Variants in AMOTL1 observed in about 807,000 individuals in gnomAD.
AMOTL1 encodes angiomotin like 1.
AMOTL1 carries 45 observed loss-of-function variants against 102.9 expected under a neutral mutation model. That is an observed-to-expected ratio of 0.44 (90% CI 0.34 to 0.56). AMOTL1 has a LOEUF of 0.56. AMOTL1 is among the 20% of genes least tolerant of loss of function. The probability of loss-of-function intolerance (pLI) is 0.01; values close to 1 mark genes in which losing one functional copy is unlikely to be tolerated. For missense variants in AMOTL1, 1,114 were observed against 1,225.6 expected, an observed-to-expected ratio of 0.91 and a Z score of 1.36; for synonymous variants, 481 against 484.7, an observed-to-expected ratio of 0.99 and a Z score of 0.10.
intron 2 of AMOTL1, among the ~76,000 whole-genome samples, chr11:94,730,082 C>G (rs1420947609): frequency 1.3e-5 from 2 of 152,138 alleles, no homozygotes; most frequent in Non-Finnish European, 2.9e-5. Context: ...GTCATTTGTT[C>G]CTGTGCACTG....
At chr11:94,727,056 C>A (rs1226638503) in intron 1 of AMOTL1, among the ~76,000 whole-genome samples, 1 of 152,118 alleles carries the variant, frequency 6.6e-6, no homozygotes, top group African/African-American at 2.4e-5. Flanking sequence ...TCCATATCAT[C>A]TTGCAAATCT....
Position 94,731,365 on chromosome 11 carries a change from CT to C in AMOTL1, c.85+2311del, listed in dbSNP as rs1404085644. On this transcript the variant is annotated intron_variant, in intron 2 of 4. Coordinates refer to the AMOTL1 transcript ENST00000299004. ...GCACAGACACAAGGAATCAGTGTGG[CT>C]GAAATCTGTAAATCCTTGTGGGCAG... Among the ~76,000 whole-genome samples, 3 of 152,202 alleles carry C rather than the reference CT, an allele frequency of 2.0e-5. No homozygotes were observed. In the East Asian group the frequency reaches 5.8e-4, roughly 29 times the overall value.
chr11:94,802,603 G>C (rs1239060360), intron 3 of AMOTL1, among the ~76,000 whole-genome samples: 1 of 152,134 alleles, frequency 6.6e-6, no homozygotes, highest in East Asian at 1.9e-4. Context: ...ATGTGTGAGG[G>C]ATTTGAGCTG....
At chr11:94,724,991 A>G (rs1950232820) in intron 1 of AMOTL1, among the ~76,000 whole-genome samples, 1 of 152,180 alleles carries the variant, frequency 6.6e-6, no homozygotes, top group South Asian at 2.1e-4. Context: ...CAATTAAGGC[A>G]TAGTCAATGT....
chr11:94,778,946 A>G (rs921370062), intron 1 of AMOTL1, among the ~76,000 whole-genome samples: 1 of 152,160 alleles, frequency 6.6e-6, no homozygotes, highest in Admixed American at 6.5e-5. Context: ...ATTCCCAGAA[A>G]TTGGATGGAA....
At chr11:94,834,499 G>A (rs1348260179) in intron 6 of AMOTL1, among the ~76,000 whole-genome samples, 3 of 152,276 alleles carry the variant, frequency 2.0e-5, no homozygotes, top group South Asian at 4.1e-4. Context: ...CGCTGAGGCA[G>A]AAGAATGGCG....
intron 1 of AMOTL1, among the ~76,000 whole-genome samples, chr11:94,722,698 G>C (rs1950193030): frequency 6.6e-6 from 1 of 152,178 alleles, no homozygotes; most frequent in Non-Finnish European, 1.5e-5. Context: ...AAGCAAGCAA[G>C]TTGGAATTCA....
chr11:94,752,595 T>A (rs1255734234), intron 3 of AMOTL1, among the ~76,000 whole-genome samples: 1 of 152,248 alleles, frequency 6.6e-6, no homozygotes, highest in African/African-American at 2.4e-5. Context: ...CTTCCCCCTG[T>A]GACCTTTGTA....
intron 6 of AMOTL1, among the ~76,000 whole-genome samples, chr11:94,832,321 T>G (rs1262601918): frequency 1.3e-5 from 2 of 152,190 alleles, no homozygotes; most frequent in African/African-American, 4.8e-5. Flanking sequence ...CAAAAAGTAA[T>G]GTATTCAGGC....
intron 1 of AMOTL1, among the ~76,000 whole-genome samples, chr11:94,708,723 A>T (rs1295704368): frequency 2.6e-5 from 4 of 152,184 alleles, no homozygotes; most frequent in Admixed American, 2.6e-4. Context: ...GAGGAGTGGC[A>T]AAGAAATACA....
chr11:94,823,835 C>T (rs1462780771), intron 4 of AMOTL1, among the ~76,000 whole-genome samples: 3 of 151,828 alleles, frequency 2.0e-5, no homozygotes, highest in Non-Finnish European at 4.4e-5. Context: ...CCTGCCTCAG[C>T]CTCCTGAGTA....
intron 2 of AMOTL1, among the ~76,000 whole-genome samples, chr11:94,735,967 G>A (rs917136710): frequency 6.6e-6 from 1 of 152,182 alleles, no homozygotes; most frequent in Non-Finnish European, 1.5e-5. Context: ...ATCAACTCAC[G>A]ATATATCATG....
At chr11:94,729,176 G>C in intron 2 of AMOTL1, 1 of 630,362 alleles carries the variant, frequency 1.6e-6, no homozygotes, top group Non-Finnish European at 2.4e-6. Flanking sequence ...CAGCTGAGTG[G>C]AGAGGAGAGG....
chr11:94,745,445 A>T (rs900540248), intron 3 of AMOTL1, among the ~76,000 whole-genome samples: 1 of 152,024 alleles, frequency 6.6e-6, no homozygotes, highest in African/African-American at 2.4e-5. Flanking sequence ...TATTATGAAT[A>T]AAAAAAAGAT....
intron 1 of AMOTL1, among the ~76,000 whole-genome samples, chr11:94,785,562 A>G (rs1388455366): frequency 6.6e-6 from 1 of 152,200 alleles, no homozygotes; most frequent in Non-Finnish European, 1.5e-5. Context: ...TAAATTATGT[A>G]ATTCATTCAT....
chr11:94,779,632 C>T (rs954391286), intron 1 of AMOTL1, among the ~76,000 whole-genome samples: 3 of 152,172 alleles, frequency 2.0e-5, no homozygotes, highest in Admixed American at 2.0e-4. Flanking sequence ...TACCGTGAGA[C>T]CCCTGGGCAC....
intron 1 of AMOTL1, among the ~76,000 whole-genome samples, chr11:94,771,096 T>A (rs1950942082): frequency 6.6e-6 from 1 of 152,096 alleles, no homozygotes; most frequent in African/African-American, 2.4e-5. Flanking sequence ...TTGAAAAAAA[T>A]AATTAATGAC....
chr11:94,861,839 A>G (rs1952780032), intron 9 of AMOTL1, among the ~76,000 whole-genome samples: 1 of 152,212 alleles, frequency 6.6e-6, no homozygotes, highest in South Asian at 2.1e-4. Context: ...GGGACTAGAA[A>G]GTAAAATTCA....
In AMOTL1 at chr11:94,795,071, A is replaced by G. The variant is rs772215363; in HGVS notation, c.110A>G (p.Tyr37Cys). 14 of 1,613,646 alleles carry G rather than the reference A, an allele frequency of 8.7e-6. No individual in the cohort carries two copies. Among genetic ancestry groups the G allele is most frequent in the East Asian group, 4.5e-5 (2 of 44,864 alleles). Residue 37 changes from tyrosine (Y) to cysteine (C), a missense_variant, in exon 2 of 13, where the codon TAC becomes TGC. By Grantham distance (194) the Tyr-to-Cys change is radical (BLOSUM62 -2). Transcript: ENST00000433060. ...GTCCAGGTTCTAGAAGACTCCACCT[A>G]CTTTTCCCCAGACTTTCAGCTCTAT... ...SPVQVLEDST[Y>C]FSPDFQLYSG...
Sources: gnomAD v4.1 joint callset for allele counts (sites outside exome capture counted in the v4.1 genomes callset) on GRCh38, gnomAD v4.1.1 for gene constraint, MANE v1.5 for transcripts, NCBI Gene and HGNC (gene_info 2026-07-23, HGNC 2026-07-21) for gene names.